CDH23: variants seen among roughly 807,000 people sequenced by gnomAD.
CDH23 encodes the protein cadherin related 23, also known as cadherin-23.
CDH23 carries 189 observed loss-of-function variants against 317.1 expected under a neutral mutation model. The ratio of observed to expected loss-of-function variants is 0.60; its 90% CI spans 0.53 to 0.67. The LOEUF (loss-of-function observed/expected upper bound fraction) is 0.67, where lower values mean the gene tolerates loss of function less well. Among genes scored for constraint, CDH23 ranks in the 30% least tolerant of loss-of-function variants. The pLI is 0.00. For synonymous variants in CDH23, 1,839 were observed against 1,876.8 expected, an observed-to-expected ratio of 0.98 and a Z score of 0.52; for missense variants, 4,401 against 4,592.4, an observed-to-expected ratio of 0.96 and a Z score of 1.20.
chr10:71,731,946 A>G (rs772297812), intron 31 of CDH23, 41 bp from the exon 32 acceptor site: 1 of 1,589,878 alleles, frequency 6.3e-7, no homozygotes, highest in Non-Finnish European at 8.6e-7. Flanking sequence ...AGCCCCACTC[A>G]GTTCTATCTG....
At chr10:71,503,542 G>C (rs1353253231) in intron 3 of CDH23, among the ~76,000 whole-genome samples, 6 of 152,194 alleles carry the variant, frequency 3.9e-5, no homozygotes, top group Non-Finnish European at 7.3e-5. Context: ...GTGCCTCCAG[G>C]ATGTCAATCC....
intron 14 of CDH23, among the ~76,000 whole-genome samples, chr10:71,653,204 C>T (rs773431912): frequency 5.9e-5 from 9 of 152,218 alleles, no homozygotes; most frequent in Admixed American, 1.3e-4. Context: ...AGCCCCATTG[C>T]TGTTTGTCCC....
In CDH23 at chr10:71,741,684, C is replaced by G. The variant is rs753814819; in HGVS notation, c.4618-10C>G. ...AGTCCAGAATGACTGCTCTCCTGCTCTCCTCCCAGAACGTGGGTGGAGGTA... is the reference window on the plus strand; with the variant it reads ...AGTCCAGAATGACTGCTCTCCTGCTGTCCTCCCAGAACGTGGGTGGAGGTA... On this transcript the variant is annotated splice_polypyrimidine_tract_variant and intron_variant, in intron 37 of 69. Transcript: ENST00000224721. 2.5e-6 allele frequency: 4 copies of G among 1,599,462 alleles called. No individual in the cohort carries two copies. Among genetic ancestry groups the G allele is most frequent in the Non-Finnish European group, 3.4e-6 (4 of 1,172,244 alleles).
At chr10:71,432,816 G>T (rs567291224) in intron 1 of CDH23, among the ~76,000 whole-genome samples, 1 of 152,216 alleles carries the variant, frequency 6.6e-6, no homozygotes, top group African/African-American at 2.4e-5. Context: ...TGGGACCCAC[G>T]GCCCAGGATA....
intron 3 of CDH23, among the ~76,000 whole-genome samples, chr10:71,482,401 C>T (rs1413021671): frequency 1.3e-5 from 2 of 152,200 alleles, no homozygotes; most frequent in Non-Finnish European, 2.9e-5. Context: ...ACCCCTGCCC[C>T]AACAAAGATA....
intron 6 of CDH23, among the ~76,000 whole-genome samples, chr10:71,559,624 G>C (rs903976013): frequency 2.0e-5 from 3 of 152,200 alleles, no homozygotes; most frequent in Non-Finnish European, 2.9e-5. Flanking sequence ...CTTGGAGATG[G>C]GAGGGTGCTG....
intron 3 of CDH23, among the ~76,000 whole-genome samples, chr10:71,503,390 A>G (rs1027721747): frequency 3.9e-5 from 6 of 152,254 alleles, no homozygotes; most frequent in Admixed American, 3.3e-4. Flanking sequence ...CCATTTGTGC[A>G]CACAGTTAAG....
intron 38 of CDH23, chr10:71,753,720 A>C: frequency 2.2e-6 from 1 of 456,026 alleles, no homozygotes; most frequent in South Asian, 1.5e-5. Context: ...ATGTCCTCCC[A>C]CAGATGCTTC....
chr10:71,752,101 C>T (rs1198671982), intron 38 of CDH23: 4 of 674,432 alleles, frequency 5.9e-6, no homozygotes, highest in Non-Finnish European at 1.1e-5. Context: ...CCAGCTCCTC[C>T]CTGTGGTCTG....
intron 3 of CDH23, among the ~76,000 whole-genome samples, chr10:71,490,282 A>G (rs894515759): frequency 6.6e-6 from 1 of 152,186 alleles, no homozygotes; most frequent in Non-Finnish European, 1.5e-5. Context: ...GCAAATTTCA[A>G]GTTGATCCAG....
rs80048003 is a variant in CDH23 at position 71,567,667 on chromosome 10, G to A, written c.624+731G>A. ...GACATCTCCAGGTCTCAAGAACATC[G>A]CAGCATGCCCTTTGTGCCAGCTGTT... is the stretch of plus-strand genomic sequence containing the variant. On this transcript the variant is annotated intron_variant, in intron 7 of 69. Transcript: ENST00000224721. Among the ~76,000 whole-genome samples the A allele has an allele frequency of 9.5e-3, 1,450 of 152,318 alleles. 24 individuals carry two copies. The highest frequency in any genetic ancestry group is 0.047 in the Admixed American group (722 of 15,302).
chr10:71,627,610 A>C (rs1454562130), intron 11 of CDH23, among the ~76,000 whole-genome samples: 1 of 152,114 alleles, frequency 6.6e-6, no homozygotes, highest in Non-Finnish European at 1.5e-5. Context: ...CCGCGGTACC[A>C]GTGCCCACCC....
intron 1 of CDH23, among the ~76,000 whole-genome samples, chr10:71,401,872 T>G (rs1278950062): frequency 6.6e-6 from 1 of 152,174 alleles, no homozygotes; most frequent in African/African-American, 2.4e-5. Flanking sequence ...AAGAGCCAAT[T>G]CGGAAAACAT....
chr10:71,759,543 C>T (rs573864761), intron 38 of CDH23, among the ~76,000 whole-genome samples: 1 of 151,250 alleles, frequency 6.6e-6, no homozygotes, highest in East Asian at 2.0e-4. Context: ...GGCGTGGTGA[C>T]TCACACCTGT....
intron 3 of CDH23, among the ~76,000 whole-genome samples, chr10:71,456,335 G>A (rs1850694240): frequency 6.6e-6 from 1 of 151,910 alleles, no homozygotes. Flanking sequence ...GAACCCCCAG[G>A]AGGGCTTGGG....
intron 11 of CDH23, among the ~76,000 whole-genome samples, chr10:71,636,562 C>A (rs766182764): frequency 1.3e-5 from 2 of 152,082 alleles, no homozygotes; most frequent in Non-Finnish European, 2.9e-5. Flanking sequence ...AGAGAATCAC[C>A]CCATCCAAGC....
chr10:71,513,287 A>C (rs1439804972), intron 6 of CDH23, among the ~76,000 whole-genome samples: 1 of 152,074 alleles, frequency 6.6e-6, no homozygotes, highest in Non-Finnish European at 1.5e-5. Flanking sequence ...GATCTGAGGT[A>C]CCTTGACATT....
intron 18 of CDH23, among the ~76,000 whole-genome samples, chr10:71,686,169 C>T (rs952396177): frequency 1.3e-4 from 20 of 152,156 alleles, no homozygotes; most frequent in Non-Finnish European, 2.2e-4. Context: ...GCGAATGCAG[C>T]GCCAAGATCC....
intron 38 of CDH23, among the ~76,000 whole-genome samples, chr10:71,759,856 C>CACACATATATATACACACACACATATAT (rs1840262908): frequency 9.0e-6 from 1 of 111,678 alleles, no homozygotes; most frequent in Non-Finnish European, 2.0e-5. Context: ...CATATACACA[C>CACACATATATATACACACACACATATAT]ACACACACAT....
Sources: allele counts gnomAD v4.1 joint callset (sites outside exome capture counted in the v4.1 genomes callset), GRCh38; gene constraint gnomAD v4.1.1; transcripts MANE v1.5; gene names NCBI Gene and HGNC (gene_info 2026-07-23, HGNC 2026-07-21).